FBLN7: variants seen among roughly 807,000 people sequenced by gnomAD.
The protein encoded by FBLN7 is fibulin 7.
FBLN7 carries 31 observed loss-of-function variants against 44.0 expected under a neutral mutation model. The observed-to-expected ratio is 0.70, with a 90% CI of 0.53 to 0.95. The LOEUF (loss-of-function observed/expected upper bound fraction) is 0.95. FBLN7 is among the 40% of genes least tolerant of loss of function. The probability of loss-of-function intolerance (pLI) is 0.00; values close to 1 mark genes in which losing one functional copy is unlikely to be tolerated. For synonymous variants in FBLN7, 262 were observed against 253.4 expected (o/e 1.03, Z -0.32); for missense variants, 573 against 618.5 (o/e 0.93, Z 0.78).
the FBLN7 span, among the ~76,000 whole-genome samples, chr2:112,208,520 G>A: frequency 3.9e-4 from 59 of 152,252 alleles, no homozygotes; most frequent in African/African-American, 1.4e-3. Context: ...TCTGGATTTA[G>A]GTCTATGTTT....
In FBLN7 at chr2:112,188,007, T is replaced by C. The variant is rs1427145323; in HGVS notation, c.*501T>C. 1 of 164,604 alleles carries C rather than the reference T, an allele frequency of 6.1e-6. No individual in the cohort carries two copies. Among genetic ancestry groups the C allele is most frequent in the Non-Finnish European group, 1.3e-5 (1 of 76,370 alleles). 10.2% of individuals were successfully genotyped at this position (164,604 alleles called of 1,614,324 possible). ...CCCATGACCCAGCACGTTGTTCTTA[T>C]CTGCCTTTTCCTCTGTGACATGCCT... is the stretch of plus-strand genomic sequence containing the variant. On this transcript the variant is annotated 3_prime_UTR_variant, in exon 8 of 8. Coordinates refer to ENST00000331203, the MANE Select transcript of FBLN7 (RefSeq NM_153214.3).
chr2:112,171,900 C>T lies in FBLN7; in HGVS notation c.407-3814C>T, dbSNP rs1682483826. 3.3e-5 allele frequency among the ~76,000 whole-genome samples: 5 copies of T among 152,240 alleles called. No homozygotes were observed. In the South Asian group the frequency reaches 1.0e-3, roughly 32 times the overall value. On this transcript the variant is annotated intron_variant, in intron 3 of 7. Transcript: ENST00000331203. Reference sequence around the variant, plus strand: ...TAGCTGGGACTACAGGTGCCCGCCACCATACCCGGCTAATTTTTTTGTATT... The same window carrying T: ...TAGCTGGGACTACAGGTGCCCGCCATCATACCCGGCTAATTTTTTTGTATT...
the FBLN7 span, among the ~76,000 whole-genome samples, chr2:112,223,552 C>T: frequency 1.3e-5 from 2 of 152,058 alleles, no homozygotes; most frequent in South Asian, 4.1e-4. Flanking sequence ...GCATATATTA[C>T]TTTTATAAGA....
the FBLN7 span, among the ~76,000 whole-genome samples, chr2:112,241,008 T>TG: frequency 7.5e-6 from 1 of 132,688 alleles, no homozygotes; most frequent in Non-Finnish European, 1.7e-5. Context: ...TGTGTTGTGT[T>TG]TTGTGTGTGT....
chr2:112,204,273 C>CA, the FBLN7 span, among the ~76,000 whole-genome samples: 512 of 99,092 alleles, frequency 5.2e-3, 4 homozygotes, highest in South Asian at 0.017. Context: ...GCTTGAGGAA[C>CA]AAAAAAAAAA....
chr2:112,229,794 T>C, the FBLN7 span, among the ~76,000 whole-genome samples: 1 of 152,028 alleles, frequency 6.6e-6, no homozygotes, highest in Non-Finnish European at 1.5e-5. Context: ...TATAAACGTA[T>C]ACAGCAAAGC....
At chr2:112,160,701 C>CA (rs1681737551) in intron 2 of FBLN7, among the ~76,000 whole-genome samples, 1 of 108,546 alleles carries the variant, frequency 9.2e-6, no homozygotes, top group African/African-American at 3.8e-5. Context: ...CGCACACACG[C>CA]ACGCACACAC....
At chr2:112,150,670 CTG>C (rs1681114651) in intron 1 of FBLN7, among the ~76,000 whole-genome samples, 3 of 152,166 alleles carry the variant, frequency 2.0e-5, no homozygotes, top group Non-Finnish European at 4.4e-5. Flanking sequence ...TCCTGGTTGA[CTG>C]ATCTGGGGCA....
downstream of FBLN7, chr2:112,188,616 A>G (rs1683381018): frequency 6.6e-6 from 1 of 152,218 alleles, no homozygotes; most frequent in South Asian, 2.1e-4. Flanking sequence ...AGAAAGTTTC[A>G]TTATCTAATT....
intron 3 of FBLN7, among the ~76,000 whole-genome samples, chr2:112,172,167 A>G (rs543092647): frequency 1.6e-4 from 24 of 152,326 alleles, no homozygotes; most frequent in African/African-American, 5.8e-4. Context: ...AAATTCCTTA[A>G]CATCATCAAT....
chr2:112,150,043 C>T (rs1366247987), intron 1 of FBLN7, among the ~76,000 whole-genome samples: 1 of 152,138 alleles, frequency 6.6e-6, no homozygotes, highest in African/African-American at 2.4e-5. Flanking sequence ...TTGGTGGTGA[C>T]TGGGAGGGAA....
chr2:112,231,604 A>G, the FBLN7 span, among the ~76,000 whole-genome samples: 1 of 152,198 alleles, frequency 6.6e-6, no homozygotes, highest in African/African-American at 2.4e-5. Context: ...ATTATACTGA[A>G]GATTTTACAT....
intron 1 of FBLN7, among the ~76,000 whole-genome samples, chr2:112,156,855 C>T (rs1260799705): frequency 6.6e-6 from 1 of 152,146 alleles, no homozygotes; most frequent in Non-Finnish European, 1.5e-5. Context: ...GAAATCTCCA[C>T]GGTGCAGAGG....
intron 1 of FBLN7, among the ~76,000 whole-genome samples, chr2:112,141,016 C>G (rs1680619765): frequency 6.6e-6 from 1 of 152,210 alleles, no homozygotes; most frequent in Non-Finnish European, 1.5e-5. Context: ...CTTGAATTGC[C>G]GAGTCCGGGA....
At chr2:112,197,605 A>C in the FBLN7 span, among the ~76,000 whole-genome samples, 1 of 152,204 alleles carries the variant, frequency 6.6e-6, no homozygotes, top group South Asian at 2.1e-4. Context: ...AGCTGAGGGT[A>C]AATCACCTAT....
chr2:112,141,734 G>A (rs1464045089), intron 1 of FBLN7, among the ~76,000 whole-genome samples: 2 of 152,228 alleles, frequency 1.3e-5, no homozygotes, highest in Admixed American at 1.3e-4. Flanking sequence ...GACAGGATGT[G>A]TGATGAGATG....
chr2:112,209,114 A>G, the FBLN7 span, among the ~76,000 whole-genome samples: 5 of 152,360 alleles, frequency 3.3e-5, no homozygotes, highest in Admixed American at 6.5e-5. Context: ...TAGGCATGAC[A>G]GATTTTATTT....
chr2:112,238,351 A>T, the FBLN7 span: 1 of 1,613,684 alleles, frequency 6.2e-7, no homozygotes, highest in South Asian at 1.1e-5. Context: ...TTCTTTGTAG[A>T]TTCTTCAGGT....
rs1558880368 is a variant in FBLN7, at chr2:112,160,784, ACGCACACGCACACACGCACG to A, written c.235+951_235+970del. Among the ~76,000 whole-genome samples, 15 of 130,708 alleles carry A rather than the reference ACGCACACGCACACACGCACG, an allele frequency of 1.1e-4. 1 individual carries two copies. Among genetic ancestry groups the A allele is most frequent in the East Asian group, 4.2e-4 (2 of 4,744 alleles). The allele number at this position is 130,708 out of a possible 152,430, so 85.7% of individuals were successfully genotyped here. ...CGCACGCACACGCAGACGCACACGC[ACGCACACGCACACACGCACG>A]CACACACACGCACACACAAGCACGC... On this transcript the variant is annotated intron_variant, in intron 2 of 7. Transcript: ENST00000331203.
Sources: gnomAD v4.1 joint callset for allele counts (sites outside exome capture counted in the v4.1 genomes callset) on GRCh38, gnomAD v4.1.1 for gene constraint, MANE v1.5 for transcripts, NCBI Gene and HGNC (gene_info 2026-07-23, HGNC 2026-07-21) for gene names.